TNFRSF21: variants seen among roughly 807,000 people sequenced by gnomAD.
TNFRSF21 encodes TNF receptor superfamily member 21, also known as tumor necrosis factor receptor superfamily member 21.
Under a neutral mutation model 45.6 loss-of-function variants are expected in TNFRSF21, and 19 were observed. The observed-to-expected ratio is 0.42, with a 90% CI of 0.29 to 0.61. The LOEUF is 0.61. Ranked by LOEUF, TNFRSF21 falls within the 20% of genes least tolerant of loss-of-function variation. TNFRSF21 has a pLI of 0.23. For missense variants in TNFRSF21, 737 were observed against 851.5 expected (o/e 0.87, Z 1.67); for synonymous variants, 314 against 335.5 (o/e 0.94, Z 0.70).
intron 4 of TNFRSF21, 68 bp from the exon 5 acceptor site, chr6:47,234,966 A>C (rs1054941889): frequency 1.9e-5 from 18 of 943,096 alleles, no homozygotes; most frequent in Non-Finnish European, 2.6e-5. Flanking sequence ...ATCCCTCCTC[A>C]GAGGCTATTT....
intron 3 of TNFRSF21, among the ~76,000 whole-genome samples, chr6:47,263,713 A>G (rs927581393): frequency 6.6e-6 from 1 of 152,240 alleles, no homozygotes; most frequent in Non-Finnish European, 1.5e-5. Context: ...CTCTATGGAA[A>G]AAAGGTGAGA....
At chr6:47,287,723 G>A (rs1201589446) in intron 1 of TNFRSF21, among the ~76,000 whole-genome samples, 1 of 152,066 alleles carries the variant, frequency 6.6e-6, no homozygotes, top group East Asian at 1.9e-4. Context: ...ATCAACACAA[G>A]ATAAAAATGG....
At chr6:47,280,079 G>C (rs1762546974) in intron 3 of TNFRSF21, among the ~76,000 whole-genome samples, 1 of 152,174 alleles carries the variant, frequency 6.6e-6, no homozygotes, top group Middle Eastern at 3.2e-3. Flanking sequence ...AATAATAAAA[G>C]AGGTTTTTGT....
At chr6:47,237,659 T>G (rs1457389263) in intron 4 of TNFRSF21, among the ~76,000 whole-genome samples, 2 of 152,190 alleles carry the variant, frequency 1.3e-5, no homozygotes, top group Non-Finnish European at 1.5e-5. Context: ...TTTCCTAAGG[T>G]TCTTTGAGTT....
intron 1 of TNFRSF21, among the ~76,000 whole-genome samples, chr6:47,287,820 G>A (rs1171652705): frequency 1.3e-5 from 2 of 152,076 alleles, no homozygotes; most frequent in African/African-American, 4.8e-5. Flanking sequence ...TATTAATTAA[G>A]GAAATGCATA....
intron 1 of TNFRSF21, among the ~76,000 whole-genome samples, chr6:47,292,942 A>T (rs1207890142): frequency 1.3e-5 from 2 of 152,204 alleles, no homozygotes; most frequent in Non-Finnish European, 2.9e-5. Context: ...GCTTTTGTTC[A>T]TCTTCTAACA....
rs1190689204 is a variant in TNFRSF21 at position 47,309,540 on chromosome 6, CG to C, written c.-30del. 1.4e-6 allele frequency: 2 copies of C among 1,398,372 alleles called. No individual in the cohort carries two copies. Among genetic ancestry groups the C allele is most frequent in the African/African-American group, 1.5e-5 (1 of 65,810 alleles). 86.6% of individuals were successfully genotyped at this position (1,398,372 alleles called of 1,614,324 possible). ...TGAACCGGGGACTCGCAGGGGCGCCCGGGGCGCGCGGGGCAGCTGGAATCGG... is the reference window on the plus strand; with the variant it reads ...TGAACCGGGGACTCGCAGGGGCGCCCGGGCGCGCGGGGCAGCTGGAATCGG... On this transcript the variant is annotated 5_prime_UTR_variant, in exon 1 of 6. Coordinates refer to ENST00000296861, the MANE Select transcript of TNFRSF21 (RefSeq NM_014452.5).
intron 3 of TNFRSF21, among the ~76,000 whole-genome samples, chr6:47,261,450 C>T (rs1416420616): frequency 2.6e-5 from 4 of 152,218 alleles, no homozygotes; most frequent in African/African-American, 7.2e-5. Context: ...CCTCACCATT[C>T]GTCATCTCAT....
chr6:47,297,628 T>C (rs1423554144), intron 1 of TNFRSF21, among the ~76,000 whole-genome samples: 1 of 151,206 alleles, frequency 6.6e-6, no homozygotes, highest in Non-Finnish European at 1.5e-5. Flanking sequence ...GTTCATGCAA[T>C]TCGAGTGCCT....
Position 47,277,143 on chromosome 6 carries a change from G to A in TNFRSF21, c.1243+6795C>T, listed in dbSNP as rs965306457. 5.3e-5 allele frequency among the ~76,000 whole-genome samples: 8 copies of A among 152,222 alleles called. No individual in the cohort carries two copies. In the East Asian group the frequency reaches 5.8e-4, roughly 11 times the overall value. ...TGAGTACCTGGGATTACAGGCGCCC[G>A]CCACCACGCCTGGTTAATTTTATAT... On this transcript the variant is annotated intron_variant, in intron 3 of 5. Transcript: ENST00000296861.
intron 3 of TNFRSF21, among the ~76,000 whole-genome samples, chr6:47,263,945 CACA>C (rs775687973): frequency 6.6e-6 from 1 of 152,080 alleles, no homozygotes; most frequent in Non-Finnish European, 1.5e-5. Flanking sequence ...TAAAATTTGA[CACA>C]ACATCAATAA....
At chr6:47,233,514 G>T (rs980033245) in intron 5 of TNFRSF21, among the ~76,000 whole-genome samples, 2 of 151,974 alleles carry the variant, frequency 1.3e-5, no homozygotes, top group African/African-American at 4.8e-5. Flanking sequence ...TAATATTTTA[G>T]AACTAAACTG....
intron 3 of TNFRSF21, among the ~76,000 whole-genome samples, chr6:47,280,858 T>G (rs987538651): frequency 2.6e-5 from 4 of 152,206 alleles, no homozygotes; most frequent in Non-Finnish European, 4.4e-5. Flanking sequence ...CTGACCATAA[T>G]CTATAAATGC....
chr6:47,308,022 G>A (rs1186428307), intron 1 of TNFRSF21, among the ~76,000 whole-genome samples: 1 of 152,142 alleles, frequency 6.6e-6, no homozygotes, highest in African/African-American at 2.4e-5. Flanking sequence ...TGTCCCAAGA[G>A]ACTCCCCGAC....
chr6:47,307,886 A>C (rs545985505), intron 1 of TNFRSF21, among the ~76,000 whole-genome samples: 1 of 152,342 alleles, frequency 6.6e-6, no homozygotes, highest in African/African-American at 2.4e-5. Flanking sequence ...ATAGTAGTGG[A>C]TAGTAGTGGA....
Position 47,283,811 on chromosome 6 carries a change from G to A in TNFRSF21, c.1243+127C>T, listed in dbSNP as rs1280282300. ...AATCTCTTTTTCTATAACACGACTA[G>A]ATCAAGTAGTGTTTGGTCTACAAAG... is the stretch of plus-strand genomic sequence containing the variant. On this transcript the variant is annotated intron_variant, in intron 3 of 5. Coordinates refer to ENST00000296861, the MANE Select transcript of TNFRSF21 (RefSeq NM_014452.5). 4 of 1,209,854 alleles carry A rather than the reference G, an allele frequency of 3.3e-6. No individual in the cohort carries two copies. In the East Asian group the frequency reaches 7.1e-5, roughly 21 times the overall value. The allele number at this position is 1,209,854 out of a possible 1,614,324, so 74.9% of individuals were successfully genotyped here.
intron 4 of TNFRSF21, among the ~76,000 whole-genome samples, chr6:47,235,692 A>C (rs551299337): frequency 6.6e-6 from 1 of 152,346 alleles, no homozygotes; most frequent in South Asian, 2.1e-4. Context: ...TCACAGAACT[A>C]AAACTAGACC....
chr6:47,237,336 T>C (rs1464883367), intron 4 of TNFRSF21, among the ~76,000 whole-genome samples: 1 of 152,192 alleles, frequency 6.6e-6, no homozygotes, highest in Non-Finnish European at 1.5e-5. Context: ...TTTACCATAA[T>C]ATATACAATA....
chr6:47,245,458 T>TG (rs1764811193), intron 4 of TNFRSF21, among the ~76,000 whole-genome samples: 2 of 107,792 alleles, frequency 1.9e-5, no homozygotes, highest in South Asian at 2.5e-4. Flanking sequence ...GTGTGTGTGT[T>TG]TGTGTGTGTG....
Sources: gnomAD v4.1 joint callset for allele counts (sites outside exome capture counted in the v4.1 genomes callset) on GRCh38, gnomAD v4.1.1 for gene constraint, MANE v1.5 for transcripts, NCBI Gene and HGNC (gene_info 2026-07-23, HGNC 2026-07-21) for gene names.